The following DOK6 variants were observed in gnomAD, a reference collection of about 807,000 sequenced individuals.
DOK6 encodes downstream of tyrosine kinase 6.
In DOK6, 22 loss-of-function variants were observed where a neutral mutation model predicts 44.0. The observed-to-expected ratio is 0.50, with a 90% CI of 0.36 to 0.71. The LOEUF is 0.71. Among genes scored for constraint, DOK6 ranks in the 30% least tolerant of loss-of-function variants. The probability of loss-of-function intolerance (pLI) is 0.00; values close to 1 mark genes in which losing one functional copy is unlikely to be tolerated. For missense variants in DOK6, 340 were observed against 416.4 expected (o/e 0.82, Z 1.60); for synonymous variants, 166 against 145.5 (o/e 1.14, Z -1.01).
intron 4 of DOK6, among the ~76,000 whole-genome samples, chr18:69,679,915 A>G (rs1358986305): frequency 2.6e-5 from 4 of 152,072 alleles, no homozygotes; most frequent in Non-Finnish European, 5.9e-5. Flanking sequence ...AGCTACATAA[A>G]AAGCAGAAGG....
intron 7 of DOK6, among the ~76,000 whole-genome samples, chr18:69,786,956 C>T (rs1243334663): frequency 6.6e-6 from 1 of 152,218 alleles, no homozygotes; most frequent in Non-Finnish European, 1.5e-5. Flanking sequence ...TGGCTCACGC[C>T]TGTAATCCCA....
Position 69,564,592 on chromosome 18 carries a change from A to G in DOK6, c.172A>G (p.Lys58Glu). The change falls in exon 2 of 8, where the codon AAG (lysine) becomes GAG (glutamate). Residue 58 changes from lysine (K) to glutamate (E), a missense_variant and splice_region_variant. Physicochemically the swap from Lys to Glu is moderately conservative, Grantham distance 56. Coordinates refer to ENST00000382713, the MANE Select transcript of DOK6 (RefSeq NM_152721.6). ...GGCAGCTTATTTCAGAAACTTTCATAAGGTAAGTCACAGTCCTGGGAGTCC... is the reference window on the plus strand; with the variant it reads ...GGCAGCTTATTTCAGAAACTTTCATGAGGTAAGTCACAGTCCTGGGAGTCC... ...EKAAYFRNFHKVTELHNIKNI... is the reference protein window; with the variant it reads ...EKAAYFRNFHEVTELHNIKNI... 2 of 1,612,318 alleles carry G rather than the reference A, an allele frequency of 1.2e-6. No homozygotes were observed. The highest frequency in any genetic ancestry group is 1.7e-6 in the Non-Finnish European group (2 of 1,179,166).
At chr18:69,539,795 T>A (rs1568290106) in intron 1 of DOK6, among the ~76,000 whole-genome samples, 1 of 152,196 alleles carries the variant, frequency 6.6e-6, no homozygotes, top group Admixed American at 6.5e-5. Flanking sequence ...GTGGGAATGA[T>A]GGTTCAAAGT....
chr18:69,616,861 G>A (rs898270913), intron 3 of DOK6, among the ~76,000 whole-genome samples: 1 of 152,120 alleles, frequency 6.6e-6, no homozygotes, highest in African/African-American at 2.4e-5. Flanking sequence ...AAAATGGTTT[G>A]AATATTTTTA....
chr18:69,680,910 T>A (rs1447184207), intron 4 of DOK6, among the ~76,000 whole-genome samples: 2 of 146,394 alleles, frequency 1.4e-5, no homozygotes, highest in Non-Finnish European at 3.0e-5. Context: ...AAAATTGACT[T>A]TTAAAGCTGT....
chr18:69,647,445 A>G (rs957758465), intron 3 of DOK6: 1 of 152,188 alleles, frequency 6.6e-6, no homozygotes, highest in Non-Finnish European at 1.5e-5. Flanking sequence ...CTAAACTGCT[A>G]GTTGAAAGCA....
At chr18:69,412,263 G>A (rs1978309567) in intron 1 of DOK6, among the ~76,000 whole-genome samples, 1 of 152,094 alleles carries the variant, frequency 6.6e-6, no homozygotes, top group Non-Finnish European at 1.5e-5. Flanking sequence ...TGAGAGACAG[G>A]AGAGTTGGCT....
chr18:69,780,667 T>C (rs1488652274), intron 7 of DOK6, among the ~76,000 whole-genome samples: 1 of 152,242 alleles, frequency 6.6e-6, no homozygotes, highest in Non-Finnish European at 1.5e-5. Flanking sequence ...AAAGCTTTCA[T>C]GGACACAATC....
At position 69,462,279 on chromosome 18, in the gene DOK6, G is replaced by C. The variant is rs17080931; in HGVS notation, c.66+60969G>C. On this transcript the variant is annotated intron_variant, in intron 1 of 7. Coordinates refer to ENST00000382713, the MANE Select transcript of DOK6 (RefSeq NM_152721.6). ...ATGTGCTTTCAAAATCTTGTAGGAGGCCTGTCAGATGGAAGCTATTCACTA... is the reference window on the plus strand; with the variant it reads ...ATGTGCTTTCAAAATCTTGTAGGAGCCCTGTCAGATGGAAGCTATTCACTA... Among the ~76,000 whole-genome samples, 1,448 of 152,126 alleles carry C rather than the reference G, an allele frequency of 9.5e-3. 21 individuals are homozygous for C. Among genetic ancestry groups the C allele is most frequent in the African/African-American group, 0.032 (1,320 of 41,502 alleles).
At chr18:69,617,726 A>AGAAGG (rs1377399642) in intron 3 of DOK6, among the ~76,000 whole-genome samples, 1 of 115,840 alleles carries the variant, frequency 8.6e-6, no homozygotes, top group Non-Finnish European at 1.9e-5. Context: ...AAAGAAAGAA[A>AGAAGG]AAAGGGGGAA....
chr18:69,612,452 T>A, intron 3 of DOK6, among the ~76,000 whole-genome samples: 2 of 146,718 alleles, frequency 1.4e-5, no homozygotes, highest in African/African-American at 2.5e-5. Context: ...GGCGCATGTG[T>A]GCGAGCGTGC....
chr18:69,409,723 A>ATAAAAAC, intron 1 of DOK6, among the ~76,000 whole-genome samples: 1 of 152,338 alleles, frequency 6.6e-6, no homozygotes, highest in East Asian at 1.9e-4. Flanking sequence ...CCCCAAAACT[A>ATAAAAAC]TAAAAACTAT....
At chr18:69,657,206 G>A (rs557900641) in intron 3 of DOK6, among the ~76,000 whole-genome samples, 23 of 152,308 alleles carry the variant, frequency 1.5e-4, no homozygotes, top group African/African-American at 5.1e-4. Context: ...GGATGACTGC[G>A]ATGTGTTGGG....
chr18:69,758,421 C>T (rs774088278), intron 7 of DOK6, among the ~76,000 whole-genome samples: 18 of 152,188 alleles, frequency 1.2e-4, no homozygotes, highest in Non-Finnish European at 2.1e-4. Flanking sequence ...TAATGATAAA[C>T]GGTCAATTAG....
At chr18:69,585,184 TA>T (rs767408306) in intron 2 of DOK6, among the ~76,000 whole-genome samples, 2 of 152,050 alleles carry the variant, frequency 1.3e-5, no homozygotes, top group East Asian at 3.8e-4. Context: ...TCTTAAATTG[TA>T]ATATATACTG....
intron 1 of DOK6, among the ~76,000 whole-genome samples, chr18:69,486,861 TA>T (rs1980590788): frequency 6.6e-6 from 1 of 152,214 alleles, no homozygotes; most frequent in South Asian, 2.1e-4. Flanking sequence ...TTTACATTTC[TA>T]TGAGTGTTTG....
At chr18:69,694,035 G>A (rs772317311) in intron 4 of DOK6, among the ~76,000 whole-genome samples, 1 of 133,028 alleles carries the variant, frequency 7.5e-6, no homozygotes, top group East Asian at 2.2e-4. Flanking sequence ...CTCCAGCCTG[G>A]GCGACAGAGC....
At chr18:69,538,973 A>C (rs1040209386) in intron 1 of DOK6, among the ~76,000 whole-genome samples, 2 of 152,194 alleles carry the variant, frequency 1.3e-5, no homozygotes, top group Admixed American at 1.3e-4. Flanking sequence ...GCTTTCACAC[A>C]GAGCAGATGT....
intron 2 of DOK6, among the ~76,000 whole-genome samples, chr18:69,595,421 T>C (rs1371386184): frequency 1.3e-5 from 2 of 152,202 alleles, no homozygotes; most frequent in African/African-American, 2.4e-5. Context: ...ATGATTTTTT[T>C]CCCTCAAAAA....
Sources: gnomAD v4.1 joint callset for allele counts (sites outside exome capture counted in the v4.1 genomes callset) on GRCh38, gnomAD v4.1.1 for gene constraint, MANE v1.5 for transcripts, NCBI Gene and HGNC (gene_info 2026-07-23, HGNC 2026-07-21) for gene names.